TBXAS1: variants seen among roughly 807,000 people sequenced by gnomAD.
TBXAS1 encodes the protein thromboxane-A synthase.
Under a neutral mutation model 60.7 loss-of-function variants are expected in TBXAS1, and 48 were observed. That is an observed-to-expected ratio of 0.79 (90% confidence interval 0.63 to 1.01). The LOEUF (loss-of-function observed/expected upper bound fraction) is 1.01, where lower values mean the gene tolerates loss of function less well. TBXAS1 is among the 50% of genes least tolerant of loss of function. The pLI is 0.00. For missense variants in TBXAS1, 685 were observed against 686.3 expected (o/e 1.00, Z 0.02); for synonymous variants, 287 against 269.7 (o/e 1.06, Z -0.63).
upstream of TBXAS1, chr7:139,829,024 C>G: frequency 8.0e-6 from 3 of 376,790 alleles, no homozygotes; most frequent in South Asian, 4.2e-5. Flanking sequence ...AGAAGAGTCT[C>G]TCTTTGAAGA....
chr7:139,827,496 A>G (rs1296088450), upstream of TBXAS1, among the ~76,000 whole-genome samples: 1 of 152,050 alleles, frequency 6.6e-6, no homozygotes, highest in Non-Finnish European at 1.5e-5. Context: ...CATTGCATTC[A>G]TCGGGCTCTT....
At chr7:139,949,169 T>G (rs1420479637) in intron 5 of TBXAS1, among the ~76,000 whole-genome samples, 1 of 152,196 alleles carries the variant, frequency 6.6e-6, no homozygotes, top group Non-Finnish European at 1.5e-5. Flanking sequence ...AGGAATATGT[T>G]TGGATTCAGA....
chr7:139,832,244 A>G (rs145191347), intron 1 of TBXAS1, among the ~76,000 whole-genome samples: 3 of 152,200 alleles, frequency 2.0e-5, no homozygotes. Flanking sequence ...GAAATATTCA[A>G]TGAAATAGAT....
At chr7:139,856,528 T>C (rs1800594687) in intron 1 of TBXAS1, among the ~76,000 whole-genome samples, 1 of 152,112 alleles carries the variant, frequency 6.6e-6, no homozygotes, top group African/African-American at 2.4e-5. Flanking sequence ...GGAAGATATT[T>C]TGATGGAGGG....
chr7:139,827,826 G>A (rs1219837565), upstream of TBXAS1, among the ~76,000 whole-genome samples: 1 of 152,218 alleles, frequency 6.6e-6, no homozygotes, highest in Non-Finnish European at 1.5e-5. Context: ...CTTCCAGCTT[G>A]TAGGTTTTCT....
intron 5 of TBXAS1, among the ~76,000 whole-genome samples, chr7:139,950,441 C>G (rs983558978): frequency 6.6e-6 from 1 of 152,180 alleles, no homozygotes; most frequent in Admixed American, 6.5e-5. Context: ...ATCTATTTTC[C>G]CAAGATGGCT....
chr7:139,906,245 T>G (rs1021258451), intron 3 of TBXAS1: 3 of 177,126 alleles, frequency 1.7e-5, no homozygotes, highest in African/African-American at 7.2e-5. Flanking sequence ...TTAGTACAGA[T>G]GGGGTTTACC....
At chr7:139,918,865 C>G (rs1234204492) in intron 4 of TBXAS1, among the ~76,000 whole-genome samples, 1 of 152,042 alleles carries the variant, frequency 6.6e-6, no homozygotes, top group African/African-American at 2.4e-5. Context: ...ACAGAGAGAG[C>G]GAAGATGATG....
At chr7:139,838,170 C>T (rs572384482) in intron 1 of TBXAS1, among the ~76,000 whole-genome samples, 3 of 146,776 alleles carry the variant, frequency 2.0e-5, no homozygotes, top group Non-Finnish European at 2.9e-5. Flanking sequence ...GTCAGAGCGA[C>T]GCTGTCTGGG....
chr7:139,883,909 A>T (rs138686294), intron 3 of TBXAS1, among the ~76,000 whole-genome samples: 39 of 152,364 alleles, frequency 2.6e-4, no homozygotes, highest in Middle Eastern at 3.4e-3. Flanking sequence ...AACATTTACA[A>T]GTTGGTCACA....
At chr7:139,903,858 T>C (rs1804768504) in intron 3 of TBXAS1, among the ~76,000 whole-genome samples, 1 of 152,074 alleles carries the variant, frequency 6.6e-6, no homozygotes, top group South Asian at 2.1e-4. Flanking sequence ...ATTAGTCCTT[T>C]GTCAGATATA....
At chr7:139,969,302 A>G (rs1359374115) in intron 9 of TBXAS1, among the ~76,000 whole-genome samples, 1 of 152,168 alleles carries the variant, frequency 6.6e-6, no homozygotes, top group Non-Finnish European at 1.5e-5. Flanking sequence ...TAATTAAAAT[A>G]CAACTTACTC....
chr7:139,935,602 G>T (rs1300699850), intron 4 of TBXAS1, among the ~76,000 whole-genome samples: 1 of 152,060 alleles, frequency 6.6e-6, no homozygotes, highest in Non-Finnish European at 1.5e-5. Context: ...TGCTGACTGA[G>T]AAAAAAATGA....
chr7:139,922,227 G>A (rs541305173), intron 4 of TBXAS1, among the ~76,000 whole-genome samples: 355 of 151,306 alleles, frequency 2.3e-3, no homozygotes, highest in African/African-American at 8.2e-3. Context: ...TCAGCCTCCC[G>A]TGAAGCTGGG....
intron 4 of TBXAS1, among the ~76,000 whole-genome samples, chr7:139,810,574 T>G (rs1797999593): frequency 6.6e-6 from 1 of 152,238 alleles, no homozygotes; most frequent in Non-Finnish European, 1.5e-5. Flanking sequence ...CTCTAATTTC[T>G]AAGCATTTTT....
intron 4 of TBXAS1, among the ~76,000 whole-genome samples, chr7:139,931,541 G>T (rs1807330554): frequency 1.3e-5 from 2 of 152,212 alleles, no homozygotes; most frequent in Admixed American, 1.3e-4. Context: ...GGCTGGGGAG[G>T]CCTACCAAAC....
chr7:139,812,823 G>A (rs931405419), intron 4 of TBXAS1, among the ~76,000 whole-genome samples: 1 of 152,120 alleles, frequency 6.6e-6, no homozygotes, highest in Non-Finnish European at 1.5e-5. Flanking sequence ...TTGGGAGGCT[G>A]AGGCAGGTGT....
At chr7:139,892,657 C>T (rs1445189353) in intron 3 of TBXAS1, among the ~76,000 whole-genome samples, 2 of 152,140 alleles carry the variant, frequency 1.3e-5, no homozygotes, top group East Asian at 1.9e-4. Context: ...GAGCACCTAC[C>T]TATCTCACAG....
At chr7:139,951,686 T>G (rs1375797733) in intron 5 of TBXAS1, among the ~76,000 whole-genome samples, 1 of 136,476 alleles carries the variant, frequency 7.3e-6, no homozygotes. Flanking sequence ...AGCAGGAGAA[T>G]CACTTGAACC....
Sources: allele counts gnomAD v4.1 joint callset (sites outside exome capture counted in the v4.1 genomes callset), GRCh38; gene constraint gnomAD v4.1.1; transcripts MANE v1.5; gene names NCBI Gene and HGNC (gene_info 2026-07-23, HGNC 2026-07-21).